The following RNLS variants were observed in gnomAD, a reference collection of about 807,000 sequenced individuals.
RNLS encodes the protein renalase, FAD dependent amine oxidase, also known as renalase.
Under a neutral mutation model 39.8 loss-of-function variants are expected in RNLS, and 39 were observed. The observed-to-expected ratio is 0.98, with a 90% CI of 0.76 to 1.28. RNLS has a LOEUF of 1.28. Ranked by LOEUF, RNLS falls within the 50% of genes most tolerant of loss-of-function variation. The pLI is 0.00. For synonymous variants in RNLS, 147 were observed against 150.7 expected, an observed-to-expected ratio of 0.98 and a Z score of 0.18; for missense variants, 410 against 413.3, an observed-to-expected ratio of 0.99 and a Z score of 0.07.
At chr10:88,226,327 C>T in the RNLS span, among the ~76,000 whole-genome samples, 1 of 152,182 alleles carries the variant, frequency 6.6e-6, no homozygotes, top group South Asian at 2.1e-4. Context: ...ATATTAATCC[C>T]TGCAATTAAC....
intron 4 of RNLS, among the ~76,000 whole-genome samples, chr10:88,552,557 G>A (rs1473028767): frequency 6.6e-6 from 1 of 152,230 alleles, no homozygotes. Context: ...GGATATTCAT[G>A]CTTAAGGACA....
the RNLS span, among the ~76,000 whole-genome samples, chr10:88,223,338 A>C: frequency 6.6e-6 from 1 of 152,220 alleles, no homozygotes; most frequent in African/African-American, 2.4e-5. Flanking sequence ...TGTCAGATTT[A>C]TTTTTTGGCT....
chr10:88,332,724 A>G (rs1847204859), intron 5 of RNLS, among the ~76,000 whole-genome samples: 1 of 152,214 alleles, frequency 6.6e-6, no homozygotes, highest in Non-Finnish European at 1.5e-5. Context: ...TTAACTATCT[A>G]TTTTAAAAGG....
intron 5 of RNLS, among the ~76,000 whole-genome samples, chr10:88,339,663 G>C (rs1382263191): frequency 6.6e-6 from 1 of 152,208 alleles, no homozygotes; most frequent in Non-Finnish European, 1.5e-5. Context: ...AAGATTACAG[G>C]TGTGGTGTTT....
intron 6 of RNLS, among the ~76,000 whole-genome samples, chr10:88,305,839 T>C (rs1206216804): frequency 1.3e-5 from 2 of 152,196 alleles, no homozygotes; most frequent in African/African-American, 2.4e-5. Flanking sequence ...CTGATAGATA[T>C]CTACAGAACT....
exon 7 of RNLS, chr10:88,274,154 T>C (rs537124910): frequency 6.6e-6 from 1 of 152,352 alleles, no homozygotes; most frequent in African/African-American, 2.4e-5. Flanking sequence ...TCTTTGTAAG[T>C]ATAAGAAATA....
intron 6 of RNLS, among the ~76,000 whole-genome samples, chr10:88,303,359 G>A (rs1380808739): frequency 2.0e-5 from 3 of 152,196 alleles, no homozygotes; most frequent in East Asian, 1.9e-4. Flanking sequence ...CCTGATCTCC[G>A]AAAGACAATC....
intron 4 of RNLS, among the ~76,000 whole-genome samples, chr10:88,393,403 C>T (rs1415896947): frequency 4.6e-5 from 7 of 151,098 alleles, no homozygotes; most frequent in African/African-American, 1.7e-4. Flanking sequence ...CAATAACAGA[C>T]AAACAGAGAG....
Position 88,583,092 on chromosome 10 carries a change from C to T in RNLS, c.99G>A (p.Trp33Ter), listed in dbSNP as rs1335730920. The change falls in exon 1 of 7, where the codon TGG becomes TGA. Residue 33 changes from tryptophan (W) to a stop codon, truncating the protein, a stop_gained. Coordinates refer to ENST00000331772, the MANE Select transcript of RNLS (RefSeq NM_001031709.3). LOFTEE classifies it high-confidence loss of function. ...QTSGPLYLAV[W>*]DKAEDSGGRM... ...ACCCACCTGAGTCCTCAGCCTTGTC[C>T]CACACAGCAAGGTACAAGGGACCGG... 1.2e-6 allele frequency: 2 copies of T among 1,613,820 alleles called. No homozygotes were observed. Among genetic ancestry groups the T allele is most frequent in the Admixed American group, 1.7e-5 (1 of 59,974 alleles).
downstream of RNLS, chr10:88,273,752 C>T (rs1842715139): frequency 6.6e-6 from 1 of 152,112 alleles, no homozygotes; most frequent in African/African-American, 2.4e-5. Context: ...ATACATATTG[C>T]CACTTACTAT....
chr10:88,244,308 G>A, the RNLS span, among the ~76,000 whole-genome samples: 3 of 152,178 alleles, frequency 2.0e-5, no homozygotes, highest in South Asian at 2.1e-4. Context: ...AGCCAGATCC[G>A]TACACCATGT....
chr10:88,357,809 G>A (rs762323551), intron 5 of RNLS, among the ~76,000 whole-genome samples: 3 of 152,126 alleles, frequency 2.0e-5, no homozygotes, highest in Non-Finnish European at 4.4e-5. Context: ...TCCATCCACA[G>A]ATTGATGCCT....
intron 4 of RNLS, among the ~76,000 whole-genome samples, chr10:88,523,610 A>G (rs889125064): frequency 1.3e-5 from 2 of 152,116 alleles, no homozygotes; most frequent in Non-Finnish European, 2.9e-5. Flanking sequence ...ACAAAAGATG[A>G]TTCTCTCCCA....
chr10:88,567,187 A>G (rs1451025639), intron 4 of RNLS, among the ~76,000 whole-genome samples: 1 of 152,186 alleles, frequency 6.6e-6, no homozygotes, highest in African/African-American at 2.4e-5. Flanking sequence ...AAAACCCAGG[A>G]AAGACAGAAA....
chr10:88,198,349 T>G, the RNLS span, among the ~76,000 whole-genome samples: 1 of 152,170 alleles, frequency 6.6e-6, no homozygotes, highest in Non-Finnish European at 1.5e-5. Flanking sequence ...AGGGTAGACC[T>G]TTTGGGAGCA....
intron 4 of RNLS, among the ~76,000 whole-genome samples, chr10:88,367,854 T>G (rs1850246564): frequency 6.6e-6 from 1 of 152,168 alleles, no homozygotes; most frequent in Non-Finnish European, 1.5e-5. Flanking sequence ...TTTTGGGCTG[T>G]CTTTTTCTTA....
At chr10:88,565,465 G>A (rs1489932761) in intron 4 of RNLS, among the ~76,000 whole-genome samples, 2 of 152,122 alleles carry the variant, frequency 1.3e-5, no homozygotes, top group Non-Finnish European at 2.9e-5. Flanking sequence ...ATCTTGTGGG[G>A]ACATTCTAGT....
intron 4 of RNLS, among the ~76,000 whole-genome samples, chr10:88,527,827 A>T (rs569477683): frequency 1.3e-5 from 2 of 152,268 alleles, no homozygotes; most frequent in African/African-American, 4.8e-5. Flanking sequence ...GAATTGAAAG[A>T]AAAGAAAGAT....
intron 4 of RNLS, among the ~76,000 whole-genome samples, chr10:88,436,390 G>A (rs1428676288): frequency 1.3e-5 from 2 of 152,130 alleles, no homozygotes; most frequent in Admixed American, 6.5e-5. Context: ...GTATAACCTC[G>A]GGCCAGGGCA....
Sources: gnomAD v4.1 joint callset for allele counts (sites outside exome capture counted in the v4.1 genomes callset) on GRCh38, gnomAD v4.1.1 for gene constraint, MANE v1.5 for transcripts, NCBI Gene and HGNC (gene_info 2026-07-23, HGNC 2026-07-21) for gene names.